Variants in PDZRN3 observed in about 807,000 individuals in gnomAD.
The protein encoded by PDZRN3 is E3 ubiquitin-protein ligase PDZRN3.
Under a neutral mutation model 85.7 loss-of-function variants are expected in PDZRN3, and 38 were observed. The ratio of observed to expected loss-of-function variants is 0.44; its 90% CI spans 0.34 to 0.58. The LOEUF (loss-of-function observed/expected upper bound fraction) is 0.58. PDZRN3 is among the 20% of genes least tolerant of loss of function. PDZRN3 has a pLI of 0.01. For missense variants in PDZRN3, 1,629 were observed against 1,506.4 expected (o/e 1.08, Z -1.35); for synonymous variants, 759 against 638.0 (o/e 1.19, Z -2.86).
intron 3 of PDZRN3, among the ~76,000 whole-genome samples, chr3:73,490,534 C>T (rs781192392): frequency 1.3e-5 from 2 of 152,190 alleles, no homozygotes; most frequent in Non-Finnish European, 2.9e-5. Context: ...AACAGCCCCA[C>T]AGCTGTATTT....
intron 3 of PDZRN3, chr3:73,474,591 C>A (rs200271682): frequency 6.3e-6 from 8 of 1,274,650 alleles, no homozygotes; most frequent in Middle Eastern, 4.3e-4. Context: ...AGTTTCATTG[C>A]GATCTAAGCT....
intron 3 of PDZRN3, among the ~76,000 whole-genome samples, chr3:73,405,603 T>G (rs570645169): frequency 6.6e-6 from 1 of 152,154 alleles, no homozygotes; most frequent in South Asian, 2.1e-4. Flanking sequence ...CTTCTCAAAG[T>G]TTTTCTGGAG....
At chr3:73,621,305 T>C (rs1455877843) in intron 1 of PDZRN3, among the ~76,000 whole-genome samples, 1 of 152,228 alleles carries the variant, frequency 6.6e-6, no homozygotes, top group Non-Finnish European at 1.5e-5. Flanking sequence ...TGCCACATCA[T>C]TTGTGCAAGT....
intron 3 of PDZRN3, among the ~76,000 whole-genome samples, chr3:73,443,223 C>G (rs1049707196): frequency 6.6e-6 from 1 of 152,164 alleles, no homozygotes; most frequent in Non-Finnish European, 1.5e-5. Flanking sequence ...CAAAACCCCC[C>G]CTACCCTCCT....
chr3:73,424,011 A>C (rs1424479687), intron 3 of PDZRN3, among the ~76,000 whole-genome samples: 2 of 152,156 alleles, frequency 1.3e-5, no homozygotes, highest in Non-Finnish European at 2.9e-5. Context: ...GAAAATCTGT[A>C]TTTATACAAA....
In PDZRN3 at chr3:73,624,292, G is replaced by A. The variant is rs1345708108; in HGVS notation, c.534C>T (p.Gly178=). The change falls in exon 1 of 10, where the codon GGC becomes GGT. Residue 178 remains glycine (G), a synonymous_variant. Coordinates refer to ENST00000263666, the MANE Select transcript of PDZRN3 (RefSeq NM_015009.3). ...AHNGALQARL[G]ALHKALKKEA... Reference sequence around the variant, plus strand: ...CCTTCTTGAGCGCCTTGTGCAGCGCGCCCAGGCGGGCCTGGAGCGCGCCGT... The same window carrying A: ...CCTTCTTGAGCGCCTTGTGCAGCGCACCCAGGCGGGCCTGGAGCGCGCCGT... The A allele has an allele frequency of 2.9e-6, 4 of 1,367,190 alleles. No homozygotes were observed. The South Asian group carries it at 5.2e-5, about 18-fold the overall frequency. 84.7% of individuals were successfully genotyped at this position (1,367,190 alleles called of 1,614,324 possible). A position where few individuals can be genotyped will look rare whatever the true frequency, so the allele number is the denominator to read the frequency against.
At chr3:73,621,532 A>G (rs899574789) in intron 1 of PDZRN3, among the ~76,000 whole-genome samples, 1 of 152,202 alleles carries the variant, frequency 6.6e-6, no homozygotes, top group African/African-American at 2.4e-5. Flanking sequence ...CAAGTTCTTA[A>G]ACAGCTTCCA....
intron 3 of PDZRN3, among the ~76,000 whole-genome samples, chr3:73,576,334 T>C (rs1176633325): frequency 6.6e-6 from 1 of 152,224 alleles, no homozygotes; most frequent in Non-Finnish European, 1.5e-5. Context: ...ATAAAGCTGA[T>C]ATCTATATAC....
chr3:73,388,399 T>C (rs1456263767), intron 7 of PDZRN3, among the ~76,000 whole-genome samples: 1 of 152,038 alleles, frequency 6.6e-6, no homozygotes, highest in South Asian at 2.1e-4. Flanking sequence ...TGGAAGCAAT[T>C]AGACATAATA....
At chr3:73,610,987 G>A (rs989259110) in intron 1 of PDZRN3, among the ~76,000 whole-genome samples, 1 of 152,118 alleles carries the variant, frequency 6.6e-6, no homozygotes, top group African/African-American at 2.4e-5. Context: ...TGATATAGGT[G>A]GGAAGACTGA....
intron 3 of PDZRN3, among the ~76,000 whole-genome samples, chr3:73,539,529 C>T (rs1414459203): frequency 6.6e-6 from 1 of 152,152 alleles, no homozygotes; most frequent in Non-Finnish European, 1.5e-5. Context: ...ACAGCATCCA[C>T]TCTTGCCCTT....
chr3:73,415,780 A>G (rs1702068696), intron 3 of PDZRN3, among the ~76,000 whole-genome samples: 1 of 152,212 alleles, frequency 6.6e-6, no homozygotes, highest in Non-Finnish European at 1.5e-5. Flanking sequence ...TTGACTTAAA[A>G]TGGGTTTAAG....
In PDZRN3 at chr3:73,382,444, G is replaced by C. The variant is rs1703251035; in HGVS notation, c.*921C>G. 1 of 152,284 alleles carries C rather than the reference G, an allele frequency of 6.6e-6. No individual in the cohort carries two copies. Among genetic ancestry groups the C allele is most frequent in the Non-Finnish European group, 1.5e-5 (1 of 68,024 alleles). The allele number at this position is 152,284 out of a possible 1,614,324, so 9.4% of individuals were successfully genotyped here. The stretch of plus-strand genomic sequence containing the variant: ...GGAAAAAAAGCAAACACTGCAAAAG[G>C]CTTTTATTTTATAGGCACCACTGCA... On this transcript the variant is annotated 3_prime_UTR_variant, in exon 10 of 10. Transcript: ENST00000263666.
In PDZRN3 at chr3:73,551,851, GATTTT is replaced by G. The variant is rs547020425; in HGVS notation, c.918+50498_918+50502del. Among the ~76,000 whole-genome samples, 33 of 152,170 alleles carry G rather than the reference GATTTT, an allele frequency of 2.2e-4. No individual in the cohort carries two copies. The South Asian group carries it at 5.0e-3, about 23-fold the overall frequency. On this transcript the variant is annotated intron_variant, in intron 3 of 9. Coordinates refer to ENST00000263666, the MANE Select transcript of PDZRN3 (RefSeq NM_015009.3). ...TAAGCCTATGTTTATACCTGCATGT[GATTTT>G]ATTTATTTTTCATAGCAACACAAAG... is the stretch of plus-strand genomic sequence containing the variant.
chr3:73,455,152 T>C (rs181667647), intron 3 of PDZRN3, among the ~76,000 whole-genome samples: 3 of 152,218 alleles, frequency 2.0e-5, no homozygotes, highest in Non-Finnish European at 4.4e-5. Context: ...AGAATCACCA[T>C]GAGTAATGAC....
intron 3 of PDZRN3, among the ~76,000 whole-genome samples, chr3:73,509,068 T>C (rs1047184148): frequency 3.9e-5 from 6 of 152,244 alleles, no homozygotes; most frequent in Non-Finnish European, 7.3e-5. Context: ...AGGGCTCTGG[T>C]GTTGGTGTTT....
At chr3:73,442,684 T>G (rs1417111691) in intron 3 of PDZRN3, among the ~76,000 whole-genome samples, 1 of 131,086 alleles carries the variant, frequency 7.6e-6, no homozygotes, top group Non-Finnish European at 1.6e-5. Flanking sequence ...AGCAGTCGTC[T>G]GAAAATGTGT....
At chr3:73,427,572 G>T (rs1236639503) in intron 3 of PDZRN3, among the ~76,000 whole-genome samples, 2 of 152,162 alleles carry the variant, frequency 1.3e-5, no homozygotes, top group African/African-American at 4.8e-5. Context: ...TGGGTGACAG[G>T]AACACAGAGA....
At chr3:73,530,055 G>A (rs1197002286) in intron 3 of PDZRN3, among the ~76,000 whole-genome samples, 1 of 152,126 alleles carries the variant, frequency 6.6e-6, no homozygotes, top group Non-Finnish European at 1.5e-5. Flanking sequence ...ACCCATTCAT[G>A]TAATCATAAT....
Sources: gnomAD v4.1 joint callset for allele counts (sites outside exome capture counted in the v4.1 genomes callset) on GRCh38, gnomAD v4.1.1 for gene constraint, MANE v1.5 for transcripts, NCBI Gene and HGNC (gene_info 2026-07-23, HGNC 2026-07-21) for gene names.